NRG1: variants seen among roughly 807,000 people sequenced by gnomAD.
NRG1 encodes pro-neuregulin-1, membrane-bound isoform.
Under a neutral mutation model 63.8 loss-of-function variants are expected in NRG1, and 18 were observed. The observed-to-expected ratio is 0.28, with a 90% confidence interval of 0.19 to 0.42. The LOEUF is 0.42. Among genes scored for constraint, NRG1 ranks in the 10% least tolerant of loss-of-function variants. The probability of loss-of-function intolerance (pLI) is 1.00; values close to 1 mark genes in which losing one functional copy is unlikely to be tolerated. For missense variants in NRG1, 762 were observed against 814.7 expected (o/e 0.94, Z 0.79); for synonymous variants, 302 against 301.3 (o/e 1.00, Z -0.02).
intron 1 of NRG1, among the ~76,000 whole-genome samples, chr8:31,731,541 T>C (rs558482014): frequency 1.3e-5 from 2 of 152,058 alleles, no homozygotes; most frequent in Non-Finnish European, 1.5e-5. Context: ...ATACTTTTGG[T>C]CATACAGGAT....
At chr8:31,973,076 C>T (rs758158978) in intron 1 of NRG1, among the ~76,000 whole-genome samples, 3 of 152,046 alleles carry the variant, frequency 2.0e-5, no homozygotes, top group Admixed American at 6.6e-5. Context: ...TTCTCCACAC[C>T]AACATCATCC....
intron 1 of NRG1, among the ~76,000 whole-genome samples, chr8:31,707,531 CTGG>C (rs1229939078): frequency 6.6e-6 from 1 of 151,948 alleles, no homozygotes; most frequent in Non-Finnish European, 1.5e-5. Context: ...ATTCAAACAG[CTGG>C]TGTTTTAAAA....
chr8:31,787,835 A>T (rs1365750795), intron 1 of NRG1, among the ~76,000 whole-genome samples: 1 of 152,154 alleles, frequency 6.6e-6, no homozygotes, highest in African/African-American at 2.4e-5. Context: ...TTATTGGTTA[A>T]ATCAATATTC....
chr8:31,801,415 A>C (rs1821774765), intron 1 of NRG1, among the ~76,000 whole-genome samples: 1 of 152,158 alleles, frequency 6.6e-6, no homozygotes, highest in South Asian at 2.1e-4. Context: ...CTTTTAGTTC[A>C]TAATAATTAT....
intron 1 of NRG1, among the ~76,000 whole-genome samples, chr8:32,023,489 C>A (rs542392893): frequency 1.3e-5 from 2 of 152,218 alleles, no homozygotes; most frequent in South Asian, 4.1e-4. Context: ...GTTCCACTTG[C>A]AGCTGCAGGC....
chr8:32,405,304 T>C (rs1437647704), intron 1 of NRG1, among the ~76,000 whole-genome samples: 2 of 152,220 alleles, frequency 1.3e-5, no homozygotes, highest in Admixed American at 1.3e-4. Flanking sequence ...ACTTGCAGAT[T>C]AGGTTATTTG....
rs112729292 is a variant in NRG1 at position 32,742,655 on chromosome 8, T to G, written c.633-20T>G. The G allele has an allele frequency of 1.4e-5, 22 of 1,609,396 alleles. No individual in the cohort carries two copies. In the East Asian group the frequency reaches 4.7e-4, roughly 34 times the overall value. ...TTTTTCTCTGTTTTTCTACCATTGT[T>G]TTTTTGTTTCTTCTCTCAGGTGCCC... On this transcript the variant is annotated intron_variant, in intron 6 of 11. Coordinates refer to ENST00000356819, the Ensembl canonical transcript of NRG1. The surrounding 1 kb of genome is among the most constrained non-coding windows in gnomAD (Gnocchi z 4.2).
chr8:32,253,683 T>A (rs1182445324), intron 1 of NRG1, among the ~76,000 whole-genome samples: 1 of 152,206 alleles, frequency 6.6e-6, no homozygotes, highest in African/African-American at 2.4e-5. Context: ...CAGGTTTTGC[T>A]ATCAGGATGA....
intron 5 of NRG1, chr8:32,721,911 T>A: frequency 6.8e-7 from 1 of 1,477,180 alleles, no homozygotes; most frequent in Non-Finnish European, 9.0e-7. Context: ...AGGAGTTCAG[T>A]CTGCTCATTA....
intron 1 of NRG1, among the ~76,000 whole-genome samples, chr8:31,709,002 C>A (rs1475756107): frequency 6.6e-6 from 1 of 152,136 alleles, no homozygotes; most frequent in Non-Finnish European, 1.5e-5. Flanking sequence ...GTATTCATGA[C>A]ACACGTTTTT....
intron 1 of NRG1, among the ~76,000 whole-genome samples, chr8:32,056,740 T>G (rs1023518392): frequency 7.2e-5 from 11 of 152,190 alleles, no homozygotes. Flanking sequence ...AATGCCAAGA[T>G]TATATGAGAC....
chr8:32,382,606 T>TA (rs1183247524), intron 1 of NRG1, among the ~76,000 whole-genome samples: 2 of 152,282 alleles, frequency 1.3e-5, no homozygotes, highest in Non-Finnish European at 1.5e-5. Flanking sequence ...CCTATTTACT[T>TA]ATAATAATTT....
chr8:32,332,229 G>T (rs1802741493), intron 1 of NRG1, among the ~76,000 whole-genome samples: 1 of 152,164 alleles, frequency 6.6e-6, no homozygotes, highest in South Asian at 2.1e-4. Flanking sequence ...TGATCAATTT[G>T]CTGTCTTTGG....
intron 1 of NRG1, among the ~76,000 whole-genome samples, chr8:32,043,504 A>G (rs1460648869): frequency 1.3e-5 from 2 of 152,072 alleles, no homozygotes; most frequent in Non-Finnish European, 2.9e-5. Context: ...TTCATGAAAG[A>G]ACAGCAGAAA....
At chr8:32,710,584 T>C (rs557596066) in intron 5 of NRG1, among the ~76,000 whole-genome samples, 145 of 152,334 alleles carry the variant, frequency 9.5e-4, no homozygotes, top group Non-Finnish European at 1.1e-3. Flanking sequence ...TATTTTTTTC[T>C]AACTCTACAG....
At chr8:32,158,345 G>A (rs975283477) in intron 1 of NRG1, among the ~76,000 whole-genome samples, 2 of 149,920 alleles carry the variant, frequency 1.3e-5, no homozygotes, top group Admixed American at 6.7e-5. Flanking sequence ...GAGGTAATAG[G>A]AATTTTTTAA....
At chr8:31,853,391 C>T (rs1190198365) in intron 1 of NRG1, among the ~76,000 whole-genome samples, 2 of 150,344 alleles carry the variant, frequency 1.3e-5, no homozygotes, top group Admixed American at 6.6e-5. Context: ...TGGGAGTTCA[C>T]TCATGATTTG....
intron 1 of NRG1, among the ~76,000 whole-genome samples, chr8:31,887,371 T>C (rs2129613484): frequency 6.6e-6 from 1 of 152,244 alleles, no homozygotes; most frequent in South Asian, 2.1e-4. Context: ...GTATAATACA[T>C]CAATAAGATT....
chr8:31,640,850 GT>G lies in NRG1; in HGVS notation c.37+1422del. The G allele has an allele frequency of 1.4e-6, 2 of 1,400,750 alleles. No individual in the cohort carries two copies. Among genetic ancestry groups the G allele is most frequent in the Non-Finnish European group, 1.9e-6 (2 of 1,080,930 alleles). The allele number at this position is 1,400,750 out of a possible 1,614,324, so 86.8% of individuals were successfully genotyped here. ...GAGGCGCTCTGGGTCCCAGTTGTTG[GT>G]TTCAGGGTGGTGGGTTCTCAGCGAT... On this transcript the variant is annotated intron_variant, in intron 1 of 10. Coordinates refer to the NRG1 transcript ENST00000519301. This position sits in a 1 kb window ranked among gnomAD's most constrained non-coding sequence, Gnocchi z 6.3.
Sources: allele counts gnomAD v4.1 joint callset (sites outside exome capture counted in the v4.1 genomes callset), GRCh38; gene constraint gnomAD v4.1.1; non-coding constraint Gnocchi (gnomAD v3.1); transcripts MANE v1.5; gene names NCBI Gene and HGNC (gene_info 2026-07-23, HGNC 2026-07-21).